The following PCDH9 variants were observed in gnomAD, a reference collection of about 807,000 sequenced individuals.
PCDH9 encodes protocadherin 9.
Under a neutral mutation model 70.6 loss-of-function variants are expected in PCDH9, and 24 were observed. That is an observed-to-expected ratio of 0.34 (90% CI 0.25 to 0.48). PCDH9 has a LOEUF of 0.48. Ranked by LOEUF, PCDH9 falls within the 20% of genes least tolerant of loss-of-function variation. The pLI, the probability that PCDH9 is intolerant of heterozygous loss-of-function variation, is 0.99. For missense variants in PCDH9, 1,281 were observed against 1,503.6 expected, an observed-to-expected ratio of 0.85 and a Z score of 2.45; for synonymous variants, 562 against 558.5, an observed-to-expected ratio of 1.01 and a Z score of -0.09.
chr13:66,606,267 T>A (rs2077221628), intron 4 of PCDH9, among the ~76,000 whole-genome samples: 1 of 152,086 alleles, frequency 6.6e-6, no homozygotes, highest in Non-Finnish European at 1.5e-5. Flanking sequence ...CCTGAATACA[T>A]GTAGAATTTC....
chr13:66,744,122 G>A (rs111691901), intron 3 of PCDH9, among the ~76,000 whole-genome samples: 114 of 152,254 alleles, frequency 7.5e-4, no homozygotes, highest in African/African-American at 2.6e-3. Context: ...AGAGCCCCAC[G>A]CATCTGGGTA....
intron 2 of PCDH9, chr13:67,219,482 C>T (rs2089677999): frequency 6.6e-6 from 1 of 152,002 alleles, no homozygotes; most frequent in African/African-American, 2.4e-5. Flanking sequence ...TTTGTCTTTA[C>T]TTCTGTAGTA....
chr13:66,345,987 A>T lies in PCDH9; in HGVS notation c.3341-40959T>A, dbSNP rs558037506. ...CAATAAAACAGGATATCTTTTTCCA[A>T]GAAATAAATTAGTGTACTCTTTTCC... On this transcript the variant is annotated intron_variant, in intron 4 of 4. Transcript: ENST00000377865. Among the ~76,000 whole-genome samples the T allele has an allele frequency of 3.9e-5, 6 of 152,334 alleles. No homozygotes were observed. In the South Asian group the frequency reaches 1.2e-3, roughly 32 times the overall value.
At chr13:67,228,874 C>T (rs1425359277) in intron 1 of PCDH9, among the ~76,000 whole-genome samples, 1 of 152,052 alleles carries the variant, frequency 6.6e-6, no homozygotes, top group Non-Finnish European at 1.5e-5. Flanking sequence ...CTCCTCTTCC[C>T]CTCCCCCTGT....
intron 4 of PCDH9, among the ~76,000 whole-genome samples, chr13:66,526,249 G>A (rs1170057422): frequency 6.6e-6 from 1 of 152,058 alleles, no homozygotes; most frequent in Non-Finnish European, 1.5e-5. Context: ...AGCTGAATGA[G>A]CACAAAGGAA....
intron 4 of PCDH9, among the ~76,000 whole-genome samples, chr13:66,591,805 G>A (rs1295241133): frequency 1.3e-5 from 2 of 151,516 alleles, no homozygotes; most frequent in African/African-American, 4.8e-5. Flanking sequence ...TGCAGGTTGG[G>A]AGGGGGGGCT....
intron 3 of PCDH9, among the ~76,000 whole-genome samples, chr13:66,649,123 T>G (rs1212610855): frequency 6.6e-6 from 1 of 152,008 alleles, no homozygotes; most frequent in African/African-American, 2.4e-5. Flanking sequence ...GAGGTGGGGT[T>G]TGGGGGAGAA....
intron 4 of PCDH9, among the ~76,000 whole-genome samples, chr13:66,478,223 ATGT>A (rs1389698834): frequency 6.6e-6 from 1 of 152,192 alleles, no homozygotes; most frequent in Non-Finnish European, 1.5e-5. Context: ...AACTTAATAA[ATGT>A]TGTGTGGGTT....
chr13:66,398,367 T>C (rs1957138407), intron 4 of PCDH9, among the ~76,000 whole-genome samples: 2 of 152,132 alleles, frequency 1.3e-5, no homozygotes, highest in Non-Finnish European at 1.5e-5. Flanking sequence ...ATTTTGTATA[T>C]AATATGCTGT....
At chr13:66,915,354 A>G (rs2082540297) in intron 2 of PCDH9, among the ~76,000 whole-genome samples, 1 of 151,576 alleles carries the variant, frequency 6.6e-6, no homozygotes, top group East Asian at 1.9e-4. Context: ...TTTTTATTCA[A>G]CCTTACATGA....
At chr13:66,419,763 GT>G (rs35437080) in intron 4 of PCDH9, among the ~76,000 whole-genome samples, 51,651 of 142,264 alleles carry the variant, frequency 0.36, 8,934 homozygotes, top group South Asian at 0.43. Context: ...AGCTGCAGGA[GT>G]TTTTTTTTTT....
chr13:66,524,324 T>A (rs940097514), intron 4 of PCDH9, among the ~76,000 whole-genome samples: 3 of 151,980 alleles, frequency 2.0e-5, no homozygotes, highest in Admixed American at 2.0e-4. Context: ...TTGTTCTTTT[T>A]CCTTTTCTCT....
At chr13:66,819,313 A>AAC (rs2080666819) in intron 3 of PCDH9, among the ~76,000 whole-genome samples, 1 of 123,830 alleles carries the variant, frequency 8.1e-6, no homozygotes, top group Non-Finnish European at 1.8e-5. Flanking sequence ...CTCCCAAAGT[A>AAC]ATTGATGAGG....
At chr13:66,689,692 C>A (rs929181215) in intron 3 of PCDH9, among the ~76,000 whole-genome samples, 15 of 152,126 alleles carry the variant, frequency 9.9e-5, no homozygotes, top group Admixed American at 8.5e-4. Context: ...AAAAAATTAA[C>A]CTCAAAAAGG....
At chr13:66,367,430 A>G (rs1391499725) in intron 4 of PCDH9, among the ~76,000 whole-genome samples, 1 of 152,162 alleles carries the variant, frequency 6.6e-6, no homozygotes, top group East Asian at 1.9e-4. Context: ...GTCAACCAAA[A>G]TGTTTCAGTT....
At chr13:66,908,665 T>C (rs2082404972) in intron 2 of PCDH9, among the ~76,000 whole-genome samples, 1 of 152,196 alleles carries the variant, frequency 6.6e-6, no homozygotes, top group African/African-American at 2.4e-5. Context: ...GTTCTGATCA[T>C]TTAGTATCCT....
chr13:67,146,031 G>A (rs1001876371), intron 2 of PCDH9, among the ~76,000 whole-genome samples: 3 of 152,056 alleles, frequency 2.0e-5, no homozygotes, highest in African/African-American at 7.2e-5. Flanking sequence ...CTATAAAGCT[G>A]GCTTGCCTTT....
At chr13:66,695,124 C>T (rs552825352) in intron 3 of PCDH9, among the ~76,000 whole-genome samples, 10 of 152,152 alleles carry the variant, frequency 6.6e-5, no homozygotes, top group Middle Eastern at 3.4e-3. Context: ...AGGATGGTCT[C>T]GCTCTCATGA....
At chr13:66,892,888 A>C (rs936149805) in intron 3 of PCDH9, among the ~76,000 whole-genome samples, 1 of 152,236 alleles carries the variant, frequency 6.6e-6, no homozygotes, top group African/African-American at 2.4e-5. Flanking sequence ...GATATCATAT[A>C]TTTATGTCTT....
Sources: allele counts gnomAD v4.1 joint callset (sites outside exome capture counted in the v4.1 genomes callset), GRCh38; gene constraint gnomAD v4.1.1; transcripts MANE v1.5; gene names NCBI Gene and HGNC (gene_info 2026-07-23, HGNC 2026-07-21).